ROS1: variants seen among roughly 807,000 people sequenced by gnomAD.
ROS1 encodes proto-oncogene tyrosine-protein kinase ROS.
A neutral mutation model predicts 273.5 loss-of-function variants in ROS1; 263 were observed. The ratio of observed to expected loss-of-function variants is 0.96; its 90% CI spans 0.87 to 1.06. The LOEUF is 1.06. ROS1 is among the 50% of genes least tolerant of loss of function. The probability of loss-of-function intolerance (pLI) is 0.00; values close to 1 mark genes in which losing one functional copy is unlikely to be tolerated. For missense variants in ROS1, 2,833 were observed against 2,751.1 expected (o/e 1.03, Z -0.67); for synonymous variants, 1,008 against 954.1 (o/e 1.06, Z -1.04).
intron 38 of ROS1, 108 bp downstream of exon 38, chr6:117,318,080 G>T: frequency 1.3e-6 from 1 of 784,442 alleles, no homozygotes; most frequent in Non-Finnish European, 2.2e-6. Context: ...TTTCAACCAT[G>T]TTGTTTTAGT....
rs1562290184 is a variant in ROS1 at position 117,341,260 on chromosome 6, T to A, written c.4936A>T (p.Thr1646Ser). 1.2e-6 allele frequency: 2 copies of A among 1,613,650 alleles called. No individual in the cohort carries two copies. The highest frequency in any genetic ancestry group is 1.7e-6 in the Non-Finnish European group (2 of 1,179,648). Reference protein sequence around the residue: ...EMWCTESHPVTVEMFNTPEKP... With the variant: ...EMWCTESHPVSVEMFNTPEKP... ...TCTGGTGTGTTAAACATTTCCACAG[T>A]GACAGGATGACTCTCTGTACACCAC... is the stretch of plus-strand genomic sequence containing the variant. The change falls in exon 31 of 44, where the codon ACT becomes TCT. Residue 1646 changes from threonine to serine, a missense_variant. Physicochemically the swap from Thr to Ser is moderately conservative, Grantham distance 58. Coordinates refer to ENST00000368507, the MANE Select transcript of ROS1 (RefSeq NM_001378902.1).
chr6:117,325,948 C>T (rs2128580603), intron 34 of ROS1, among the ~76,000 whole-genome samples: 1 of 151,220 alleles, frequency 6.6e-6, no homozygotes, highest in Non-Finnish European at 1.5e-5. Flanking sequence ...GCCTTGGAAG[C>T]CTAATTAGGA....
In ROS1 at chr6:117,288,144, G is replaced by A. The variant is rs1235563342; in HGVS notation, c.*348C>T. On this transcript the variant is annotated 3_prime_UTR_variant, in exon 44 of 44. Coordinates refer to ENST00000368507, the MANE Select transcript of ROS1 (RefSeq NM_001378902.1). Reference sequence around the variant, plus strand: ...ACACACCTATTCTGTCTCTAAACATGTGGCCAAGATATTTTTATTACAGCC... The same window carrying A: ...ACACACCTATTCTGTCTCTAAACATATGGCCAAGATATTTTTATTACAGCC... Among the ~76,000 whole-genome samples the A allele has an allele frequency of 6.6e-6, 1 of 151,988 alleles. No individual in the cohort carries two copies. The highest frequency in any genetic ancestry group is 2.4e-5 in the African/African-American group (1 of 41,370).
intron 6 of ROS1, 91 bp downstream of exon 6, chr6:117,404,189 C>A (rs2128725833): frequency 8.0e-7 from 1 of 1,252,864 alleles, no homozygotes; most frequent in Admixed American, 2.0e-5. Context: ...CCACTGCACT[C>A]CAGCCTGGGC....
At chr6:117,317,780 T>C (rs539460482) in intron 38 of ROS1, among the ~76,000 whole-genome samples, 1 of 152,266 alleles carries the variant, frequency 6.6e-6, no homozygotes, top group African/African-American at 2.4e-5. Flanking sequence ...GCAGTTTTTA[T>C]GACCACAAAC....
intron 42 of ROS1, among the ~76,000 whole-genome samples, chr6:117,306,421 G>T (rs369825122): frequency 1.3e-5 from 2 of 152,256 alleles, no homozygotes; most frequent in African/African-American, 4.8e-5. Context: ...GCTCTCACTT[G>T]AAGTAGATTG....
chr6:117,400,417 A>T (rs1169303867), intron 7 of ROS1, among the ~76,000 whole-genome samples: 1 of 152,206 alleles, frequency 6.6e-6, no homozygotes, highest in Admixed American at 6.5e-5. Context: ...TATCCCATGA[A>T]TATATTTTGA....
At position 117,326,362 on chromosome 6, in the gene ROS1, A is replaced by G. The variant is rs376765085; in HGVS notation, c.5401T>C (p.Phe1801Leu). The G allele has an allele frequency of 4.3e-5, 67 of 1,575,200 alleles. 1 individual carries two copies. In the Middle Eastern group the frequency reaches 5.0e-4, roughly 12 times the overall value. Residue 1801 changes from phenylalanine to leucine, a missense_variant, in exon 34 of 44, where the codon TTT (phenylalanine) becomes CTT (leucine). Phe to Leu is a conservative substitution (Grantham distance 22). Coordinates refer to ENST00000368507, the MANE Select transcript of ROS1 (RefSeq NM_001378902.1). ...CAAACACTACTGCAGGATCCATTAA[A>G]TGTCATCTTCCACCTTAAATTCTGG... ...QNQNLRWKMTFNGSCSSVCTW... is the reference protein window; with the variant it reads ...QNQNLRWKMTLNGSCSSVCTW...
chr6:117,412,618 AG>A (rs1339525567), intron 4 of ROS1, among the ~76,000 whole-genome samples: 7 of 152,036 alleles, frequency 4.6e-5, no homozygotes, highest in African/African-American at 1.7e-4. Context: ...ATAGATAGAT[AG>A]ATAGATAGAT....
At chr6:117,340,104 T>C (rs1421922559) in intron 31 of ROS1, among the ~76,000 whole-genome samples, 1 of 152,186 alleles carries the variant, frequency 6.6e-6, no homozygotes, top group Non-Finnish European at 1.5e-5. Flanking sequence ...TAGATGTTAT[T>C]TTAAAAGGCA....
Position 117,308,774 on chromosome 6 carries a change from T to C in ROS1, c.6551+20A>G, listed in dbSNP as rs2128545805. On this transcript the variant is annotated intron_variant, in intron 42 of 43. Coordinates refer to ENST00000368507, the MANE Select transcript of ROS1 (RefSeq NM_001378902.1). Reference sequence around the variant, plus strand: ...CATGTTTTTGTTTGGGGGATACATATGTTAACATAATTAACTTACAGATCA... The same window carrying C: ...CATGTTTTTGTTTGGGGGATACATACGTTAACATAATTAACTTACAGATCA... 1 of 1,610,130 alleles carries C rather than the reference T, an allele frequency of 6.2e-7. No individual in the cohort carries two copies. Among genetic ancestry groups the C allele is most frequent in the Non-Finnish European group, 8.5e-7 (1 of 1,178,282 alleles).
chr6:117,362,496 AGGTATG>A, intron 22 of ROS1, 101 bp downstream of exon 22: 1 of 991,320 alleles, frequency 1.0e-6, no homozygotes, highest in African/African-American at 1.6e-5. Context: ...ATCAAAATCT[AGGTATG>A]TGTGCCATTT....
intron 5 of ROS1, among the ~76,000 whole-genome samples, chr6:117,407,769 C>T (rs545066910): frequency 5.3e-4 from 80 of 152,250 alleles, no homozygotes; most frequent in African/African-American, 1.9e-3. Context: ...CAATCCTAAG[C>T]CAAAAGAACA....
intron 7 of ROS1, among the ~76,000 whole-genome samples, chr6:117,399,113 G>A (rs1272678769): frequency 6.6e-6 from 1 of 152,196 alleles, no homozygotes; most frequent in Non-Finnish European, 1.5e-5. Context: ...TCAGAAACAT[G>A]AGATGCTATC....
rs747302749 is a variant in ROS1, at chr6:117,389,352, G to T, written c.1784C>A (p.Ala595Asp). 1.2e-6 allele frequency: 2 copies of T among 1,611,406 alleles called. No individual in the cohort carries two copies. The highest frequency in any genetic ancestry group is 1.1e-5 in the South Asian group (1 of 90,718). The change falls in exon 13 of 44, where the codon GCC (alanine) becomes GAC (aspartate). Residue 595 changes from alanine to aspartate, a missense_variant and splice_region_variant. Transcript: ENST00000368507. Reference sequence around the variant, plus strand: ...CACACTGGGGACAGAGCACTCACTGGCTCCTATGGCAAGGGCAGGAGGCTT... The same window carrying T: ...CACACTGGGGACAGAGCACTCACTGTCTCCTATGGCAAGGGCAGGAGGCTT... Reference protein sequence around the residue: ...QWKPPALAIGASPSAWQNWTY... With the variant: ...QWKPPALAIGDSPSAWQNWTY...
At position 117,362,692 on chromosome 6, in the gene ROS1, A is replaced by G; in HGVS notation, c.3277T>C (p.Cys1093Arg). 3.7e-6 allele frequency: 6 copies of G among 1,613,528 alleles called. No homozygotes were observed. The highest frequency in any genetic ancestry group is 1.3e-5 in the African/African-American group (1 of 75,016). The change falls in exon 22 of 44, where the codon TGT (cysteine) becomes CGT (arginine). Residue 1093 changes from cysteine to arginine, a missense_variant. Cys to Arg is a radical substitution (Grantham distance 180). Coordinates refer to ENST00000368507, the MANE Select transcript of ROS1 (RefSeq NM_001378902.1). ...ISNQSITNKT[C>R]EDWIAVNVTP... ...ACATTGACAGCAATCCAGTCTTCACATGTTTTGTTTGTAATACTTTGATTG... is the reference window on the plus strand; with the variant it reads ...ACATTGACAGCAATCCAGTCTTCACGTGTTTTGTTTGTAATACTTTGATTG...
At chr6:117,366,989 C>A (rs1169694554) in intron 18 of ROS1, among the ~76,000 whole-genome samples, 1 of 152,178 alleles carries the variant, frequency 6.6e-6, no homozygotes, top group Non-Finnish European at 1.5e-5. Context: ...TCCTACAACT[C>A]TTGCATTAGC....
At position 117,416,456 on chromosome 6, in the gene ROS1, C is replaced by A. The variant is rs540600024; in HGVS notation, c.169-139G>T. ...AACCTACCAAGAAACCTGAGGCCTC[C>A]AAAAGATCCAGGATTTTGGGATTCC... On this transcript the variant is annotated intron_variant, in intron 2 of 43. Transcript: ENST00000368507. 6.9e-4 allele frequency: 440 copies of A among 641,788 alleles called. 1 individual carries two copies. Among genetic ancestry groups the A allele is most frequent in the Middle Eastern group, 1.4e-3 (4 of 2,910 alleles). 39.8% of individuals were successfully genotyped at this position (641,788 alleles called of 1,614,324 possible).
intron 18 of ROS1, among the ~76,000 whole-genome samples, chr6:117,374,426 TAGA>T (rs1274334767): frequency 6.6e-6 from 1 of 152,092 alleles, no homozygotes; most frequent in Non-Finnish European, 1.5e-5. Flanking sequence ...AAGCCACATG[TAGA>T]AGAATGAAAC....
Sources: allele counts gnomAD v4.1 joint callset (sites outside exome capture counted in the v4.1 genomes callset), GRCh38; gene constraint gnomAD v4.1.1; transcripts MANE v1.5; gene names NCBI Gene and HGNC (gene_info 2026-07-23, HGNC 2026-07-21).